DCAF8L2: variants seen among roughly 807,000 people sequenced by gnomAD.
The protein encoded by DCAF8L2 is DDB1 and CUL4 associated factor 8 like 2, also known as DDB1- and CUL4-associated factor 8-like protein 2.
For missense variants in DCAF8L2, 430 were observed against 490.7 expected, an observed-to-expected ratio of 0.88 and a Z score of 1.17; for synonymous variants, 200 against 190.9, an observed-to-expected ratio of 1.05 and a Z score of -0.39.
rs966102479 is a variant in DCAF8L2, at chrX:27,747,897, C to T, written c.1002C>T (p.Phe334=). The change falls in exon 5 of 5, where the codon TTC becomes TTT. Residue 334 remains phenylalanine (F), a synonymous_variant. Transcript: ENST00000451261. ...TGGAGCCTGACTCTCCTTATAAGTTCCTCACTTCAGGTGAAGATGCTGTTG... is the reference window on the plus strand; with the variant it reads ...TGGAGCCTGACTCTCCTTATAAGTTTCTCACTTCAGGTGAAGATGCTGTTG... ...LALEPDSPYK[F]LTSGEDAVVF... 1 of 1,211,120 alleles carries T rather than the reference C, an allele frequency of 8.3e-7. No individual in the cohort carries two copies. Among genetic ancestry groups the T allele is most frequent in the Admixed American group, 2.2e-5 (1 of 46,020 alleles).
intron 2 of DCAF8L2, among the ~76,000 whole-genome samples, chrX:27,658,564 A>C (rs1217029280): frequency 1.8e-5 from 2 of 112,489 alleles, no homozygotes; most frequent in African/African-American, 6.5e-5. Context: ...TCTCACACCA[A>C]AAGCATTTCA....
chrX:27,684,094 T>C (rs755441087), intron 3 of DCAF8L2, among the ~76,000 whole-genome samples: 112 of 112,255 alleles, frequency 1.0e-3, no homozygotes, highest in Non-Finnish European at 1.8e-3. Flanking sequence ...CCTTTTTTCA[T>C]TGAATACTTT....
chrX:27,601,171 G>A (rs189675868), intron 1 of DCAF8L2, among the ~76,000 whole-genome samples: 17 of 111,398 alleles, frequency 1.5e-4, no homozygotes, highest in Non-Finnish European at 3.0e-4. Context: ...AAATTTTAAC[G>A]TGGTACTTGC....
At chrX:27,638,852 C>G (rs1406309927) in intron 2 of DCAF8L2, among the ~76,000 whole-genome samples, 1 of 111,581 alleles carries the variant, frequency 9.0e-6, no homozygotes, top group Non-Finnish European at 1.9e-5. Context: ...AATCCACCCC[C>G]ACCCAAAGAG....
At chrX:27,545,630 CAGTG>C in the DCAF8L2 span, among the ~76,000 whole-genome samples, 4 of 111,529 alleles carry the variant, frequency 3.6e-5, no homozygotes, top group African/African-American at 1.3e-4. Context: ...GTTCTTGTGA[CAGTG>C]AGTAAGTTCT....
At chrX:27,485,081 T>A in the DCAF8L2 span, among the ~76,000 whole-genome samples, 5 of 111,636 alleles carry the variant, frequency 4.5e-5, no homozygotes, top group East Asian at 2.8e-4. Context: ...GCAATGGAAA[T>A]GATCACACGA....
chrX:27,493,616 C>G, the DCAF8L2 span, among the ~76,000 whole-genome samples: 1 of 104,236 alleles, frequency 9.6e-6, no homozygotes, highest in Non-Finnish European at 1.9e-5. Context: ...GAGGCTGAGG[C>G]AGGAGAATCG....
intron 3 of DCAF8L2, among the ~76,000 whole-genome samples, chrX:27,686,184 C>T (rs961768850): frequency 9.1e-6 from 1 of 110,495 alleles, no homozygotes; most frequent in African/African-American, 3.3e-5. Context: ...GGTGGTTCCT[C>T]AAAAAATTAA....
chrX:27,516,461 C>T, the DCAF8L2 span, among the ~76,000 whole-genome samples: 1 of 103,258 alleles, frequency 9.7e-6, no homozygotes, highest in Non-Finnish European at 2.0e-5. Flanking sequence ...CTCTCACACA[C>T]ACACACACAC....
At chrX:27,532,997 A>G in the DCAF8L2 span, among the ~76,000 whole-genome samples, 2 of 103,594 alleles carry the variant, frequency 1.9e-5, no homozygotes, top group African/African-American at 7.0e-5. Flanking sequence ...GAATCACTTG[A>G]ACCTGGGAAG....
At position 27,745,848 on chromosome X, in the gene DCAF8L2, C is replaced by T. The variant is rs745480566; in HGVS notation, c.-58-990C>T. Among the ~76,000 whole-genome samples the T allele has an allele frequency of 6.3e-5, 7 of 111,942 alleles. No homozygotes were observed. In the South Asian group the frequency reaches 1.5e-3, roughly 24 times the overall value. ...TGTTTTCTGTTCCTTAGAGGCCCCA[C>T]AGAAGCCTCGGACATGTTCTGGGTG... On this transcript the variant is annotated intron_variant, in intron 4 of 4. Coordinates refer to ENST00000451261, the MANE Select transcript of DCAF8L2 (RefSeq NM_001353450.2).
intron 3 of DCAF8L2, among the ~76,000 whole-genome samples, chrX:27,699,678 T>C (rs1368796799): frequency 9.0e-6 from 1 of 111,119 alleles, no homozygotes; most frequent in African/African-American, 3.3e-5. Context: ...TAGCACCTGC[T>C]TCCATGCTCA....
intron 1 of DCAF8L2, among the ~76,000 whole-genome samples, chrX:27,606,977 G>A (rs752370083): frequency 1.4e-4 from 16 of 110,606 alleles, no homozygotes; most frequent in Non-Finnish European, 2.3e-4. Flanking sequence ...CTGATTCCCC[G>A]AACTATAAAT....
chrX:27,676,584 A>T (rs1233838727), intron 2 of DCAF8L2, among the ~76,000 whole-genome samples: 1 of 110,789 alleles, frequency 9.0e-6, no homozygotes, highest in African/African-American at 3.3e-5. Context: ...ACCACCAAGA[A>T]AGAGTCCAAA....
At chrX:27,716,938 G>T (rs138598408) in intron 4 of DCAF8L2, among the ~76,000 whole-genome samples, 1 of 111,274 alleles carries the variant, frequency 9.0e-6, no homozygotes, top group East Asian at 2.8e-4. Context: ...CTGTGTCCAC[G>T]TGTTCTCATT....
chrX:27,704,979 T>C (rs572903917), intron 3 of DCAF8L2, among the ~76,000 whole-genome samples: 4 of 110,553 alleles, frequency 3.6e-5, no homozygotes, highest in African/African-American at 1.3e-4. Flanking sequence ...CATCCTCAAA[T>C]AGGCCCTAGT....
intron 1 of DCAF8L2, among the ~76,000 whole-genome samples, chrX:27,624,941 C>A (rs1285208786): frequency 1.8e-5 from 2 of 111,581 alleles, no homozygotes; most frequent in African/African-American, 6.5e-5. Flanking sequence ...TAGGCCCTGG[C>A]AAAGATTTCT....
chrX:27,514,708 A>G, the DCAF8L2 span, among the ~76,000 whole-genome samples: 82 of 86,685 alleles, frequency 9.5e-4, 2 homozygotes, highest in African/African-American at 4.0e-3. Flanking sequence ...AAAAAAAAAA[A>G]CAGAGTGAAA....
intron 1 of DCAF8L2, among the ~76,000 whole-genome samples, chrX:27,629,434 CTCTT>C (rs886675329): frequency 1.2e-3 from 136 of 110,626 alleles, no homozygotes; most frequent in Non-Finnish European, 2.0e-3. Flanking sequence ...CTTTCTCTCT[CTCTT>C]TCCCTTTCTT....
Sources: gnomAD v4.1 joint callset for allele counts (sites outside exome capture counted in the v4.1 genomes callset) on GRCh38, gnomAD v4.1.1 for gene constraint, MANE v1.5 for transcripts, NCBI Gene and HGNC (gene_info 2026-07-23, HGNC 2026-07-21) for gene names.